Variants in MECOM observed in about 807,000 individuals in gnomAD.
MECOM encodes MDS1 and EVI1 complex locus.
Under a neutral mutation model 116.3 loss-of-function variants are expected in MECOM, and 13 were observed. The ratio of observed to expected loss-of-function variants is 0.11; its 90% CI spans 0.07 to 0.18. MECOM has a LOEUF of 0.18. MECOM is among the 10% of genes least tolerant of loss of function. The probability of loss-of-function intolerance (pLI) is 1.00; values close to 1 mark genes in which losing one functional copy is unlikely to be tolerated. For missense variants in MECOM, 1,299 were observed against 1,509.0 expected, an observed-to-expected ratio of 0.86 and a Z score of 2.31; for synonymous variants, 528 against 535.2, an observed-to-expected ratio of 0.99 and a Z score of 0.19.
intron 1 of MECOM, among the ~76,000 whole-genome samples, chr3:169,550,262 C>A (rs972473237): frequency 1.3e-5 from 2 of 152,140 alleles, no homozygotes; most frequent in Non-Finnish European, 2.9e-5. Context: ...CCAAGATACC[C>A]CATTCACATC....
chr3:169,626,844 T>C (rs1364464196), intron 1 of MECOM, among the ~76,000 whole-genome samples: 1 of 152,096 alleles, frequency 6.6e-6, no homozygotes, highest in African/African-American at 2.4e-5. Context: ...CTCTTTCATC[T>C]TATCCCTGCT....
intron 1 of MECOM, among the ~76,000 whole-genome samples, chr3:169,542,034 C>T (rs1259467972): frequency 2.0e-5 from 3 of 152,100 alleles, no homozygotes; most frequent in Non-Finnish European, 2.9e-5. Flanking sequence ...GATGTTAAAA[C>T]GTATTTCTAC....
At chr3:169,311,164 C>T (rs769037751) in intron 2 of MECOM, among the ~76,000 whole-genome samples, 8 of 151,936 alleles carry the variant, frequency 5.3e-5, no homozygotes, top group Non-Finnish European at 7.4e-5. Flanking sequence ...CTTTGAGCAC[C>T]GGATAATAAC....
intron 2 of MECOM, among the ~76,000 whole-genome samples, chr3:169,242,843 T>C (rs1184085852): frequency 1.3e-5 from 2 of 151,526 alleles, no homozygotes; most frequent in Non-Finnish European, 2.9e-5. Context: ...GTTACATTCA[T>C]TAGACTGCTT....
intron 1 of MECOM, among the ~76,000 whole-genome samples, chr3:169,618,388 G>T (rs1770276897): frequency 6.6e-6 from 1 of 152,154 alleles, no homozygotes; most frequent in Non-Finnish European, 1.5e-5. Flanking sequence ...GCTGGGCGGT[G>T]GCTCACACCT....
chr3:169,395,759 A>G (rs1734935055), intron 1 of MECOM, among the ~76,000 whole-genome samples: 1 of 152,176 alleles, frequency 6.6e-6, no homozygotes, highest in Admixed American at 6.5e-5. Context: ...TACCAACTAA[A>G]TTTGTTTCCA....
chr3:169,469,462 A>T (rs1748840876), intron 1 of MECOM, among the ~76,000 whole-genome samples: 1 of 152,234 alleles, frequency 6.6e-6, no homozygotes, highest in Admixed American at 6.5e-5. Context: ...TGAGTGACTT[A>T]AAATCAAAAC....
intron 1 of MECOM, among the ~76,000 whole-genome samples, chr3:169,439,851 A>G (rs999007219): frequency 2.6e-5 from 4 of 152,220 alleles, no homozygotes; most frequent in African/African-American, 9.6e-5. Context: ...ACAAAATGAA[A>G]TATTATACAA....
chr3:169,166,145 A>G (rs1423937748), intron 2 of MECOM, among the ~76,000 whole-genome samples: 1 of 152,214 alleles, frequency 6.6e-6, no homozygotes, highest in Non-Finnish European at 1.5e-5. Flanking sequence ...CGCTTGCAGC[A>G]GCGGTTGCTG....
chr3:169,152,213 T>C (rs1008969927), intron 2 of MECOM, among the ~76,000 whole-genome samples: 4 of 152,162 alleles, frequency 2.6e-5, no homozygotes, highest in Admixed American at 2.0e-4. Context: ...CTGGTGACTC[T>C]TGGTGGACTC....
chr3:169,121,610 A>G (rs1731052430), intron 6 of MECOM, among the ~76,000 whole-genome samples: 1 of 152,226 alleles, frequency 6.6e-6, no homozygotes, highest in Non-Finnish European at 1.5e-5. Context: ...ATTTTGACTA[A>G]CTACATTAAA....
chr3:169,086,544 C>CCTTTTAAG, intron 16 of MECOM: 1 of 701,484 alleles, frequency 1.4e-6, no homozygotes, highest in Non-Finnish European at 2.6e-6. Context: ...AGTTGCTTAA[C>CCTTTTAAG]CTTTTAAGCT....
chr3:169,547,898 A>G (rs1408786469), intron 1 of MECOM, among the ~76,000 whole-genome samples: 1 of 152,150 alleles, frequency 6.6e-6, no homozygotes, highest in Admixed American at 6.5e-5. Context: ...AAAGCCATTA[A>G]TAGGAGAGAA....
intron 1 of MECOM, among the ~76,000 whole-genome samples, chr3:169,492,166 A>C (rs937165883): frequency 6.6e-6 from 1 of 152,212 alleles, no homozygotes; most frequent in African/African-American, 2.4e-5. Context: ...GGAAGAGAAG[A>C]TGCACAGTGT....
At chr3:169,565,563 T>C (rs1763135968) in intron 1 of MECOM, among the ~76,000 whole-genome samples, 1 of 152,180 alleles carries the variant, frequency 6.6e-6, no homozygotes, top group South Asian at 2.1e-4. Flanking sequence ...ACCATAAAAA[T>C]ACTGCCCAGC....
intron 2 of MECOM, among the ~76,000 whole-genome samples, chr3:169,281,261 T>C (rs747795618): frequency 6.6e-6 from 1 of 152,110 alleles, no homozygotes; most frequent in Non-Finnish European, 1.5e-5. Context: ...ATCTGAGGAG[T>C]ACTAACGTAG....
intron 2 of MECOM, among the ~76,000 whole-genome samples, chr3:169,255,532 G>A (rs955270452): frequency 3.3e-5 from 5 of 152,008 alleles, no homozygotes; most frequent in Non-Finnish European, 7.4e-5. Context: ...TCCTTCCAAA[G>A]TAAATAAGTT....
intron 1 of MECOM, chr3:169,473,049 G>T: frequency 1.4e-6 from 1 of 734,586 alleles, no homozygotes. Context: ...GGAGTCATTA[G>T]CATCCAACAG....
chr3:169,123,329 C>CAT (rs201277472), intron 5 of MECOM, among the ~76,000 whole-genome samples: 24 of 139,334 alleles, frequency 1.7e-4, no homozygotes, highest in East Asian at 1.6e-3. Flanking sequence ...GTGTGTGTAT[C>CAT]ATATATATAT....
Sources: allele counts gnomAD v4.1 joint callset (sites outside exome capture counted in the v4.1 genomes callset), GRCh38; gene constraint gnomAD v4.1.1; transcripts MANE v1.5; gene names NCBI Gene and HGNC (gene_info 2026-07-23, HGNC 2026-07-21).